CPT1C: variants seen among roughly 807,000 people sequenced by gnomAD.
CPT1C encodes carnitine palmitoyltransferase 1C, also known as palmitoyl thioesterase CPT1C.
Under a neutral mutation model 97.3 loss-of-function variants are expected in CPT1C, and 61 were observed. The observed-to-expected ratio is 0.63, with a 90% CI of 0.51 to 0.78. The LOEUF is 0.78. CPT1C is among the 30% of genes least tolerant of loss of function. The probability of loss-of-function intolerance (pLI) is 0.00; values close to 1 mark genes in which losing one functional copy is unlikely to be tolerated. For missense variants in CPT1C, 975 were observed against 1,065.5 expected, an observed-to-expected ratio of 0.92 and a Z score of 1.18; for synonymous variants, 469 against 447.2, an observed-to-expected ratio of 1.05 and a Z score of -0.61.
chr19:49,710,127 C>T (rs1568540521), intron 14 of CPT1C, among the ~76,000 whole-genome samples, 193 bp from the exon 15 acceptor site: 1 of 152,184 alleles, frequency 6.6e-6, no homozygotes. Context: ...GGATTACAGG[C>T]GTGCGCCACC....
chr19:49,693,516 C>T (rs2082467715), intron 3 of CPT1C, among the ~76,000 whole-genome samples: 1 of 152,156 alleles, frequency 6.6e-6, no homozygotes, highest in African/African-American at 2.4e-5. Flanking sequence ...TGGCCCATGG[C>T]GAGGTCTGAG....
rs138313329 is a variant in CPT1C at position 49,692,403 on chromosome 19, G to C, written c.141+10G>C. On this transcript the variant is annotated intron_variant, in intron 3 of 19. Transcript: ENST00000598293. ...TCTCTCACGTTTCTGGGTGAGGAGC[G>C]GTGCTGGTCGGTTTCCTTCCGGGGA... 1.9e-6 allele frequency: 3 copies of C among 1,613,594 alleles called. No individual in the cohort carries two copies. Among genetic ancestry groups the C allele is most frequent in the Admixed American group, 1.7e-5 (1 of 59,964 alleles).
At chr19:49,696,656 C>G (rs1323369270) in intron 3 of CPT1C, 1 of 144,364 alleles carries the variant, frequency 6.9e-6, no homozygotes, top group Non-Finnish European at 1.5e-5. Flanking sequence ...TTTTGGAGAC[C>G]TTGTCTTGCT....
chr19:49,691,960 TC>T (rs2082373033), intron 2 of CPT1C, 71 bp downstream of exon 2: 1 of 409,216 alleles, frequency 2.4e-6, no homozygotes, highest in Admixed American at 3.9e-5. Flanking sequence ...AAGCGTGAGA[TC>T]CCGGGTCTGA....
intron 7 of CPT1C, among the ~76,000 whole-genome samples, chr19:49,703,595 C>CCCTCCCTCCCTCCCTCCCTCCCTCCCTT: frequency 1.3e-5 from 1 of 75,836 alleles, no homozygotes; most frequent in Admixed American, 1.5e-4. Flanking sequence ...CTCCCTCCCT[C>CCCTCCCTCCCTCCCTCCCTCCCTCCCTT]CCTTCCTTCC....
chr19:49,709,855 A>AT (rs60267364), intron 14 of CPT1C, among the ~76,000 whole-genome samples: 3,793 of 117,956 alleles, frequency 0.032, 161 homozygotes, highest in African/African-American at 0.11. Flanking sequence ...CGCGCCCGGC[A>AT]TTTTTTTTTT....
chr19:49,709,353 C>T (rs778145402), intron 14 of CPT1C, among the ~76,000 whole-genome samples: 1 of 151,706 alleles, frequency 6.6e-6, no homozygotes, highest in Non-Finnish European at 1.5e-5. Context: ...ATACCCCACA[C>T]CAACCCCATC....
rs1405180705 is a variant in CPT1C, at chr19:49,692,219, T to C, written c.-14-20T>C. 2 of 1,610,512 alleles carry C rather than the reference T, an allele frequency of 1.2e-6. No individual in the cohort carries two copies. Among genetic ancestry groups the C allele is most frequent in the South Asian group, 2.2e-5 (2 of 91,022 alleles). The stretch of plus-strand genomic sequence containing the variant: ...GGGCGGAGGGGCTGGGGTCCTGAAG[T>C]ATGACTCTGCCCGACTCAGGGCTCC... On this transcript the variant is annotated intron_variant, in intron 2 of 19. Transcript: ENST00000598293.
In CPT1C at chr19:49,710,327, C is replaced by T. The variant is rs2083781411; in HGVS notation, c.1574C>T (p.Ser525Phe). ...TCCCTCCTCCTCTGGCAGATCCACT[C>T]CTCCATCTCTCTAGCCCTGAGGGGA... ...LQWDLPDQIH[S>F]SISLALRGAK... is the part of the protein sequence containing the mutation. The change falls in exon 15 of 20, where the codon TCC (serine) becomes TTC (phenylalanine). Residue 525 changes from serine to phenylalanine, a missense_variant. Physicochemically the swap from Ser to Phe is radical, Grantham distance 155. This residue lies in a region of CPT1C where 344 missense variants were observed against 395.7 expected (regional missense o/e 0.87). Coordinates refer to ENST00000598293, the MANE Select transcript of CPT1C (RefSeq NM_001199753.2). The T allele has an allele frequency of 1.2e-6, 2 of 1,614,086 alleles. No individual in the cohort carries two copies. The highest frequency in any genetic ancestry group is 1.7e-5 in the Admixed American group (1 of 59,996).
intron 3 of CPT1C, among the ~76,000 whole-genome samples, chr19:49,696,951 T>G (rs2123176598): frequency 6.6e-6 from 1 of 152,056 alleles, no homozygotes; most frequent in South Asian, 2.1e-4. Context: ...GCTCAAGGGA[T>G]TCTCCTCCTT....
At position 49,710,349 on chromosome 19, in the gene CPT1C, G is replaced by A. The variant is rs1162138791; in HGVS notation, c.1596G>A (p.Arg532=). The A allele has an allele frequency of 1.9e-6, 3 of 1,614,000 alleles. No individual in the cohort carries two copies. The African/African-American group carries it at 4.0e-5, about 22-fold the overall frequency. The change falls in exon 15 of 20, where the codon AGG becomes AGA. Residue 532 remains arginine, a synonymous_variant. Coordinates refer to ENST00000598293, the MANE Select transcript of CPT1C (RefSeq NM_001199753.2). Reference sequence around the variant, plus strand: ...ACTCCTCCATCTCTCTAGCCCTGAGGGGAGCCAAGATCTTGTCTGAAAATG... The same window carrying A: ...ACTCCTCCATCTCTCTAGCCCTGAGAGGAGCCAAGATCTTGTCTGAAAATG... The part of the protein sequence containing the change: ...QIHSSISLAL[R]GAKILSENVD...
rs2123397167 is a variant in CPT1C at position 49,704,807 on chromosome 19, G to A, written c.771+20G>A. Reference sequence around the variant, plus strand: ...ATGATGGTGAGAAGGGGAGGGGTGAGGTTCATAGGCCCCAGGTCTAGGGTT... The same window carrying A: ...ATGATGGTGAGAAGGGGAGGGGTGAAGTTCATAGGCCCCAGGTCTAGGGTT... On this transcript the variant is annotated intron_variant, in intron 8 of 19. Coordinates refer to ENST00000598293, the MANE Select transcript of CPT1C (RefSeq NM_001199753.2). The A allele has an allele frequency of 6.2e-7, 1 of 1,609,954 alleles. No homozygotes were observed. Among genetic ancestry groups the A allele is most frequent in the Non-Finnish European group, 8.5e-7 (1 of 1,176,248 alleles).
intron 7 of CPT1C, among the ~76,000 whole-genome samples, chr19:49,702,007 A>AATATATTTATTTATTTATAAAT (rs2083138194): frequency 4.7e-5 from 2 of 42,218 alleles, no homozygotes; most frequent in East Asian, 1.4e-3. Flanking sequence ...AAATATATTA[A>AATATATTTATTTATTTATAAAT]ATATATTTAT....
chr19:49,692,240 GCT>G lies in CPT1C; in HGVS notation c.-11_-10del. 1 of 1,613,026 alleles carries G rather than the reference GCT, an allele frequency of 6.2e-7. No homozygotes were observed. The highest frequency in any genetic ancestry group is 1.3e-5 in the African/African-American group (1 of 75,028). The stretch of plus-strand genomic sequence containing the variant: ...GAAGTATGACTCTGCCCGACTCAGG[GCT>G]CCAGCGTGACATGGCTGAAGCGCAC... On this transcript the variant is annotated splice_region_variant and 5_prime_UTR_variant, in exon 3 of 20. Transcript: ENST00000598293.
At chr19:49,704,017 A>G (rs780992708) in intron 7 of CPT1C, among the ~76,000 whole-genome samples, 27 of 152,128 alleles carry the variant, frequency 1.8e-4, no homozygotes, top group Non-Finnish European at 3.1e-4. Flanking sequence ...AAAAAACCCT[A>G]CAAGAGCAGC....
At chr19:49,709,778 A>G (rs1026198910) in intron 14 of CPT1C, among the ~76,000 whole-genome samples, 7 of 150,354 alleles carry the variant, frequency 4.7e-5, no homozygotes, top group African/African-American at 1.7e-4. Context: ...CTGGTCTCAA[A>G]CTCCTGACCT....
At chr19:49,700,911 CCT>C (rs200535009) in intron 5 of CPT1C, 56 bp downstream of exon 5, 3 of 1,532,156 alleles carry the variant, frequency 2.0e-6, no homozygotes, top group Non-Finnish European at 2.7e-6. Flanking sequence ...TATCTATTCC[CCT>C]CTCTCTGGGT....
At chr19:49,695,241 CATAT>C (rs547971993) in intron 3 of CPT1C, among the ~76,000 whole-genome samples, 3 of 150,426 alleles carry the variant, frequency 2.0e-5, no homozygotes. Context: ...CATGCACACA[CATAT>C]ATATGATAAC....
chr19:49,701,949 TATAA>T (rs1347666441), intron 7 of CPT1C, among the ~76,000 whole-genome samples: 4 of 82,880 alleles, frequency 4.8e-5, no homozygotes, highest in South Asian at 3.4e-4. Flanking sequence ...TAAATTTATA[TATAA>T]ATATATTTAT....
Sources: gnomAD v4.1 joint callset for allele counts (sites outside exome capture counted in the v4.1 genomes callset) on GRCh38, gnomAD v4.1.1 for gene constraint, gnomAD v4.1.1 regional missense constraint, MANE v1.5 for transcripts, NCBI Gene and HGNC (gene_info 2026-07-23, HGNC 2026-07-21) for gene names.